Variants in PDE1C observed in about 807,000 individuals in gnomAD.
PDE1C encodes the protein dual specificity calcium/calmodulin-dependent 3',5'-cyclic nucleotide phosphodiesterase 1C.
PDE1C carries 62 observed loss-of-function variants against 93.1 expected under a neutral mutation model. The ratio of observed to expected loss-of-function variants is 0.67; its 90% CI spans 0.54 to 0.82. The LOEUF (loss-of-function observed/expected upper bound fraction) is 0.82. Ranked by LOEUF, PDE1C falls within the 40% of genes least tolerant of loss-of-function variation. PDE1C has a pLI of 0.00. For synonymous variants in PDE1C, 325 were observed against 310.1 expected (o/e 1.05, Z -0.50); for missense variants, 742 against 884.6 (o/e 0.84, Z 2.04).
intron 1 of PDE1C, among the ~76,000 whole-genome samples, chr7:32,330,374 G>T (rs569785640): frequency 6.6e-6 from 1 of 152,384 alleles, no homozygotes; most frequent in South Asian, 2.1e-4. Context: ...AGGAAGAACA[G>T]AGGAGGACCT....
chr7:32,054,590 C>T (rs903488559), intron 1 of PDE1C, among the ~76,000 whole-genome samples: 4 of 152,212 alleles, frequency 2.6e-5, no homozygotes, highest in African/African-American at 7.2e-5. Flanking sequence ...TTGCAACTGT[C>T]ACCCATACAC....
chr7:31,625,629 G>A, the PDE1C span, among the ~76,000 whole-genome samples: 1 of 152,030 alleles, frequency 6.6e-6, no homozygotes, highest in African/African-American at 2.4e-5. Flanking sequence ...TTGTGGGGTG[G>A]GAGGAGGGGG....
chr7:32,007,450 G>C (rs946671954), intron 2 of PDE1C, among the ~76,000 whole-genome samples: 2 of 152,212 alleles, frequency 1.3e-5, no homozygotes, highest in African/African-American at 4.8e-5. Flanking sequence ...TCAGGAATAT[G>C]AGCAAAGGAG....
intron 3 of PDE1C, among the ~76,000 whole-genome samples, chr7:32,110,643 T>C (rs1798588109): frequency 6.6e-6 from 1 of 152,072 alleles, no homozygotes; most frequent in Non-Finnish European, 1.5e-5. Context: ...ATGGGTGGTG[T>C]TTTCTGAGCG....
intron 2 of PDE1C, among the ~76,000 whole-genome samples, chr7:32,016,408 G>T (rs1404550513): frequency 1.3e-5 from 2 of 152,100 alleles, no homozygotes; most frequent in African/African-American, 2.4e-5. Flanking sequence ...AACATTAATT[G>T]TAAATAAGTA....
At chr7:32,388,958 G>A (rs1784693992) in intron 1 of PDE1C, among the ~76,000 whole-genome samples, 1 of 152,080 alleles carries the variant, frequency 6.6e-6, no homozygotes, top group Admixed American at 6.6e-5. Context: ...GTGATGCCAG[G>A]TTGACTAGTA....
intron 2 of PDE1C, among the ~76,000 whole-genome samples, chr7:32,206,015 C>T (rs938774255): frequency 2.0e-5 from 3 of 152,124 alleles, no homozygotes; most frequent in African/African-American, 7.2e-5. Context: ...CAGAAGAAAC[C>T]GATTCTAGAC....
At chr7:32,387,839 G>A (rs557111477) in intron 1 of PDE1C, among the ~76,000 whole-genome samples, 1 of 119,654 alleles carries the variant, frequency 8.4e-6, no homozygotes, top group Admixed American at 7.6e-5. Flanking sequence ...AGGACGGGGC[G>A]GCTGGCCGGG....
At chr7:31,674,177 A>G in the PDE1C span, among the ~76,000 whole-genome samples, 7 of 152,188 alleles carry the variant, frequency 4.6e-5, no homozygotes, top group Admixed American at 1.3e-4. Context: ...CCCACTCTAC[A>G]GAGGCAATCA....
intron 1 of PDE1C, among the ~76,000 whole-genome samples, chr7:32,319,863 T>G (rs958862287): frequency 6.6e-6 from 1 of 152,238 alleles, no homozygotes; most frequent in Non-Finnish European, 1.5e-5. Flanking sequence ...TCATGTTGAC[T>G]AAAAGTATTT....
At chr7:31,631,544 A>C in the PDE1C span, among the ~76,000 whole-genome samples, 13 of 152,110 alleles carry the variant, frequency 8.5e-5, no homozygotes, top group Non-Finnish European at 1.8e-4. Flanking sequence ...TACTTCTATC[A>C]TACTGAAAAG....
At chr7:31,917,767 T>G (rs1802113672) in intron 2 of PDE1C, among the ~76,000 whole-genome samples, 1 of 152,196 alleles carries the variant, frequency 6.6e-6, no homozygotes, top group Non-Finnish European at 1.5e-5. Flanking sequence ...AATCACACTC[T>G]TCAAAGTAAG....
chr7:32,058,909 C>T (rs1794457514), intron 1 of PDE1C, among the ~76,000 whole-genome samples: 1 of 151,810 alleles, frequency 6.6e-6, no homozygotes. Context: ...ATTTCATTTT[C>T]CTGCCTGGCC....
chr7:31,795,849 G>A (rs1785222139), intron 16 of PDE1C, among the ~76,000 whole-genome samples: 2 of 151,164 alleles, frequency 1.3e-5, no homozygotes, highest in African/African-American at 4.9e-5. Context: ...AATTATGTTG[G>A]GTTAAAACAT....
chr7:31,628,463 T>G, the PDE1C span, among the ~76,000 whole-genome samples: 1 of 151,462 alleles, frequency 6.6e-6, no homozygotes, highest in East Asian at 1.9e-4. Flanking sequence ...TTTTTTTTCT[T>G]TTTTTTTCTT....
chr7:31,717,165 A>G, the PDE1C span, among the ~76,000 whole-genome samples: 1 of 152,264 alleles, frequency 6.6e-6, no homozygotes, highest in Non-Finnish European at 1.5e-5. Context: ...AAAGAAATAA[A>G]ACACTTCAAT....
chr7:32,280,180 T>G (rs1022031490), intron 1 of PDE1C, among the ~76,000 whole-genome samples: 1 of 152,194 alleles, frequency 6.6e-6, no homozygotes, highest in South Asian at 2.1e-4. Context: ...ACACACAAGA[T>G]ATTGTAAATT....
At chr7:32,188,690 G>A (rs6978495) in intron 2 of PDE1C, among the ~76,000 whole-genome samples, 65,302 of 151,864 alleles carry the variant, frequency 0.43, 15,131 homozygotes, top group East Asian at 0.76. Context: ...TCTATATTCA[G>A]AAGCCTACCT....
At chr7:32,061,648 TC>T (rs1192222707) in intron 1 of PDE1C, among the ~76,000 whole-genome samples, 5 of 152,214 alleles carry the variant, frequency 3.3e-5, no homozygotes, top group Admixed American at 3.3e-4. Context: ...CCCATTTGGC[TC>T]CCTGGGTCAT....
Sources: allele counts gnomAD v4.1 joint callset (sites outside exome capture counted in the v4.1 genomes callset), GRCh38; gene constraint gnomAD v4.1.1; transcripts MANE v1.5; gene names NCBI Gene and HGNC (gene_info 2026-07-23, HGNC 2026-07-21).